DPP10: variants seen among roughly 807,000 people sequenced by gnomAD.
DPP10 encodes dipeptidyl peptidase like 10, also known as inactive dipeptidyl peptidase 10.
Under a neutral mutation model 120.9 loss-of-function variants are expected in DPP10, and 33 were observed. The ratio of observed to expected loss-of-function variants is 0.27; its 90% CI spans 0.21 to 0.37. The LOEUF (loss-of-function observed/expected upper bound fraction) is 0.37, where lower values mean the gene tolerates loss of function less well. Ranked by LOEUF, DPP10 falls within the 10% of genes least tolerant of loss-of-function variation. The pLI is 1.00. For synonymous variants in DPP10, 337 were observed against 326.1 expected, an observed-to-expected ratio of 1.03 and a Z score of -0.36; for missense variants, 816 against 942.8, an observed-to-expected ratio of 0.87 and a Z score of 1.76.
chr2:114,925,033 A>C (rs929314217), intron 1 of DPP10, among the ~76,000 whole-genome samples: 1 of 152,104 alleles, frequency 6.6e-6, no homozygotes, highest in Admixed American at 6.6e-5. Flanking sequence ...AACACGGTGA[A>C]ACCCCGTCTC....
At chr2:114,698,212 C>T (rs1700179426) in intron 1 of DPP10, among the ~76,000 whole-genome samples, 2 of 152,014 alleles carry the variant, frequency 1.3e-5, no homozygotes, top group Admixed American at 6.6e-5. Flanking sequence ...TAGTTACCCT[C>T]ACCCCTGCTC....
At chr2:115,172,988 G>A (rs1292837284) in intron 1 of DPP10, among the ~76,000 whole-genome samples, 1 of 152,184 alleles carries the variant, frequency 6.6e-6, no homozygotes, top group African/African-American at 2.4e-5. Flanking sequence ...TGGTTAAGAA[G>A]CTGCATGGCA....
intron 5 of DPP10, chr2:115,579,500 A>G (rs1334989095): frequency 6.6e-6 from 1 of 152,228 alleles, no homozygotes; most frequent in Non-Finnish European, 1.5e-5. Context: ...GATGTAGCAG[A>G]AGGAAAGCAA....
At chr2:114,823,490 T>TTTA (rs1686273441) in intron 1 of DPP10, among the ~76,000 whole-genome samples, 1 of 152,130 alleles carries the variant, frequency 6.6e-6, no homozygotes, top group South Asian at 2.1e-4. Flanking sequence ...CTTTCAAGCA[T>TTTA]TTATTAGTAC....
chr2:115,533,976 A>G (rs1212941936), intron 5 of DPP10, among the ~76,000 whole-genome samples: 1 of 152,092 alleles, frequency 6.6e-6, no homozygotes, highest in Non-Finnish European at 1.5e-5. Context: ...GTGGACAAAA[A>G]GGAAGGAAAG....
At chr2:115,022,278 A>T (rs939945300) in intron 1 of DPP10, among the ~76,000 whole-genome samples, 1 of 152,098 alleles carries the variant, frequency 6.6e-6, no homozygotes, top group African/African-American at 2.4e-5. Context: ...AGACTTGTAC[A>T]AAAAGCTCCT....
At chr2:115,494,997 T>C (rs547155711) in intron 3 of DPP10, among the ~76,000 whole-genome samples, 3 of 152,276 alleles carry the variant, frequency 2.0e-5, no homozygotes, top group African/African-American at 4.8e-5. Flanking sequence ...TGACTTTTTA[T>C]TGTTACATAT....
At chr2:115,133,112 T>C (rs1184142928) in intron 1 of DPP10, among the ~76,000 whole-genome samples, 1 of 83,350 alleles carries the variant, frequency 1.2e-5, no homozygotes, top group Admixed American at 1.4e-4. Context: ...TATATGTATA[T>C]GTATGTGTGT....
At chr2:114,610,735 T>C (rs1432940729) in intron 1 of DPP10, among the ~76,000 whole-genome samples, 1 of 152,008 alleles carries the variant, frequency 6.6e-6, no homozygotes, top group African/African-American at 2.4e-5. Context: ...AGAAATATTT[T>C]CTCCGGGCTC....
At chr2:115,180,943 C>CA (rs2054033767) in intron 1 of DPP10, among the ~76,000 whole-genome samples, 2 of 111,536 alleles carry the variant, frequency 1.8e-5, no homozygotes, top group South Asian at 6.0e-4. Flanking sequence ...CTTTCTTAAG[C>CA]AAAAAAGCAA....
In DPP10 at chr2:114,851,433, A is replaced by G. The variant is rs11694652; in HGVS notation, c.60+408595A>G. 1.3e-3 allele frequency among the ~76,000 whole-genome samples: 196 copies of G among 152,304 alleles called. 1 individual carries two copies. Among genetic ancestry groups the G allele is most frequent in the Non-Finnish European group, 2.1e-3 (145 of 68,024 alleles). ...CTCACTGTAACACTAAGAAACAAGT[A>G]TTGTCATTCCATTTTATAGGAGCTA... On this transcript the variant is annotated intron_variant, in intron 1 of 25. Coordinates refer to ENST00000410059, the MANE Select transcript of DPP10 (RefSeq NM_020868.6).
At chr2:114,716,760 A>G (rs1701374548) in intron 1 of DPP10, among the ~76,000 whole-genome samples, 1 of 152,202 alleles carries the variant, frequency 6.6e-6, no homozygotes, top group Non-Finnish European at 1.5e-5. Flanking sequence ...CCTGTTCAAA[A>G]GAGAATGGGT....
At chr2:115,355,120 T>C (rs2064287206) in intron 3 of DPP10, among the ~76,000 whole-genome samples, 1 of 152,164 alleles carries the variant, frequency 6.6e-6, no homozygotes, top group Non-Finnish European at 1.5e-5. Context: ...CTTGAGGAAT[T>C]GCCATACTGT....
At chr2:115,211,826 C>T (rs1016616489) in intron 1 of DPP10, among the ~76,000 whole-genome samples, 6 of 151,910 alleles carry the variant, frequency 3.9e-5, no homozygotes, top group East Asian at 1.9e-4. Context: ...GAGATGTGTG[C>T]GTGTGTGTGT....
At chr2:115,279,224 G>T (rs1335811097) in intron 1 of DPP10, among the ~76,000 whole-genome samples, 1 of 152,144 alleles carries the variant, frequency 6.6e-6, no homozygotes, top group Non-Finnish European at 1.5e-5. Flanking sequence ...GGCTGATGCA[G>T]TCTCTCATGT....
intron 1 of DPP10, among the ~76,000 whole-genome samples, chr2:114,591,770 G>A (rs968874594): frequency 2.6e-5 from 4 of 151,850 alleles, no homozygotes; most frequent in African/African-American, 9.7e-5. Context: ...GGTCAGGCTG[G>A]TCTCGAACTC....
In DPP10 at chr2:115,009,360, A is replaced by G. The variant is rs188788717; in HGVS notation, c.61-299879A>G. ...AACCAAACACCACATATTCTCACTC[A>G]TGGGTGGGAATTGAACAATGAGATC... On this transcript the variant is annotated intron_variant, in intron 1 of 25. Transcript: ENST00000410059. Among the ~76,000 whole-genome samples the G allele has an allele frequency of 1.2e-3, 182 of 150,528 alleles. 1 individual carries two copies. In the Middle Eastern group the frequency reaches 0.014, roughly 11 times the overall value.
chr2:115,723,622 G>GC, intron 7 of DPP10, among the ~76,000 whole-genome samples: 1 of 142,966 alleles, frequency 7.0e-6, no homozygotes, highest in East Asian at 2.0e-4. Context: ...GTTGTTTTTT[G>GC]TTTTTTTTTT....
At chr2:115,412,425 TAAG>T (rs1347173407) in intron 3 of DPP10, among the ~76,000 whole-genome samples, 2 of 152,240 alleles carry the variant, frequency 1.3e-5, no homozygotes, top group Non-Finnish European at 2.9e-5. Context: ...GCAATTTTAC[TAAG>T]AAGAGCAGAT....
Sources: allele counts gnomAD v4.1 joint callset (sites outside exome capture counted in the v4.1 genomes callset), GRCh38; gene constraint gnomAD v4.1.1; transcripts MANE v1.5; gene names NCBI Gene and HGNC (gene_info 2026-07-23, HGNC 2026-07-21).